RELN: variants seen among roughly 807,000 people sequenced by gnomAD.
RELN encodes reelin.
A neutral mutation model predicts 427.6 loss-of-function variants in RELN; 108 were observed. That is an observed-to-expected ratio of 0.25 (90% CI 0.22 to 0.30). The LOEUF is 0.30. Among genes scored for constraint, RELN ranks in the 10% least tolerant of loss-of-function variants. The probability of loss-of-function intolerance (pLI) is 1.00; values close to 1 mark genes in which losing one functional copy is unlikely to be tolerated. For synonymous variants in RELN, 1,524 were observed against 1,513.4 expected (o/e 1.01, Z -0.16); for missense variants, 3,715 against 4,302.8 (o/e 0.86, Z 3.82).
chr7:103,694,045 G>C (rs1833926974), intron 10 of RELN, among the ~76,000 whole-genome samples: 1 of 152,104 alleles, frequency 6.6e-6, no homozygotes, highest in African/African-American at 2.4e-5. Context: ...ACAGTGTTTG[G>C]GCTGCACTTG....
chr7:103,539,227 A>G lies in RELN; in HGVS notation c.7031T>C (p.Met2344Thr). The G allele has an allele frequency of 2.5e-6, 4 of 1,614,262 alleles. No homozygotes were observed. Among genetic ancestry groups the G allele is most frequent in the East Asian group, 2.2e-5 (1 of 44,888 alleles). The change falls in exon 45 of 65, where the codon ATG becomes ACG. Residue 2344 changes from methionine (M) to threonine (T), a missense_variant. This residue lies in a region of RELN where 1,310 missense variants were observed against 1,643.0 expected (regional missense o/e 0.80). Transcript: ENST00000428762. ...KWLLHPGGTK[M>T]PVCGSTGDAL... is the part of the protein sequence containing the mutation. ...ATCACCAGTAGAGCCACACACGGGC[A>G]TCTTGGTGCCTCCTGGGTGAAGCAG...
intron 46 of RELN, among the ~76,000 whole-genome samples, chr7:103,534,929 C>T (rs952559814): frequency 7.6e-4 from 115 of 152,048 alleles, no homozygotes; most frequent in Non-Finnish European, 1.0e-3. Context: ...CCTATATTTA[C>T]AGCAGTCTCA....
intron 6 of RELN, among the ~76,000 whole-genome samples, chr7:103,742,239 G>A (rs1345472429): frequency 6.6e-6 from 1 of 152,082 alleles, no homozygotes; most frequent in East Asian, 1.9e-4. Flanking sequence ...CAAACAGAAA[G>A]GACATCCACA....
At chr7:103,634,247 T>G (rs896308080) in intron 19 of RELN, among the ~76,000 whole-genome samples, 1 of 152,166 alleles carries the variant, frequency 6.6e-6, no homozygotes, top group Non-Finnish European at 1.5e-5. Flanking sequence ...CATCTCCTCA[T>G]GATTAAAATA....
At chr7:103,739,598 A>G (rs667554) in intron 6 of RELN, among the ~76,000 whole-genome samples, 33,264 of 152,180 alleles carry the variant, frequency 0.22, 4,798 homozygotes, top group African/African-American at 0.41. Flanking sequence ...GGTCCAGGGT[A>G]AAGTGCAGAA....
At chr7:103,567,322 T>C (rs1255452637) in intron 31 of RELN, among the ~76,000 whole-genome samples, 1 of 152,216 alleles carries the variant, frequency 6.6e-6, no homozygotes, top group South Asian at 2.1e-4. Context: ...TTCTCCAACA[T>C]TAGTCTGACT....
intron 56 of RELN, 147 bp from the exon 57 acceptor site, chr7:103,496,045 G>A (rs1828831351): frequency 6.1e-6 from 5 of 824,022 alleles, no homozygotes; most frequent in South Asian, 1.5e-5. Context: ...TTACACTTTA[G>A]GATTGATTTT....
rs564380797 is a variant in RELN, at chr7:103,697,763, G to T, written c.1143+90C>A. The T allele has an allele frequency of 5.1e-6, 8 of 1,575,970 alleles. No homozygotes were observed. The South Asian group carries it at 9.1e-5, about 18-fold the overall frequency. ...CTTTAATAGTGGTTTTGGTAAAATA[G>T]CTATCTTTATACAATTTGGTTTATT... is the stretch of plus-strand genomic sequence containing the variant. On this transcript the variant is annotated intron_variant, in intron 10 of 64. Transcript: ENST00000428762.
At chr7:103,815,347 G>C (rs935828509) in intron 3 of RELN, among the ~76,000 whole-genome samples, 2 of 152,104 alleles carry the variant, frequency 1.3e-5, no homozygotes, top group Non-Finnish European at 2.9e-5. Context: ...ATAAATCTTT[G>C]CTCACTGATG....
At chr7:103,912,527 A>G (rs1295542468) in intron 2 of RELN, among the ~76,000 whole-genome samples, 1 of 152,076 alleles carries the variant, frequency 6.6e-6, no homozygotes, top group Non-Finnish European at 1.5e-5. Context: ...TAGAATTCCT[A>G]ATTATTACAG....
intron 28 of RELN, among the ~76,000 whole-genome samples, chr7:103,584,128 G>A (rs368427637): frequency 1.3e-5 from 2 of 152,184 alleles, no homozygotes; most frequent in African/African-American, 2.4e-5. Flanking sequence ...GTACTGCAAG[G>A]TCCCCCAGTT....
intron 22 of RELN, among the ~76,000 whole-genome samples, chr7:103,605,067 T>C (rs939319154): frequency 6.6e-6 from 1 of 152,186 alleles, no homozygotes; most frequent in Non-Finnish European, 1.5e-5. Flanking sequence ...TGACCTCAGA[T>C]AATCCACCCG....
At chr7:103,485,488 T>C (rs1235008358) in intron 61 of RELN, among the ~76,000 whole-genome samples, 1 of 152,234 alleles carries the variant, frequency 6.6e-6, no homozygotes, top group Non-Finnish European at 1.5e-5. Context: ...CAAGAAATAC[T>C]CTACAGTAAT....
At chr7:103,507,007 C>T (rs967442229) in intron 51 of RELN, among the ~76,000 whole-genome samples, 3 of 152,152 alleles carry the variant, frequency 2.0e-5, no homozygotes, top group Non-Finnish European at 4.4e-5. Flanking sequence ...TATATGCACC[C>T]AATACAGAGG....
chr7:103,508,171 CTAACTCATTTTA>C, intron 51 of RELN, among the ~76,000 whole-genome samples: 1 of 152,280 alleles, frequency 6.6e-6, no homozygotes, highest in African/African-American at 2.4e-5. Flanking sequence ...GGAATCCCCC[CTAACTCATTTTA>C]TGAGGCCAGC....
In RELN at chr7:103,860,083, T is replaced by G. The variant is rs1289009511; in HGVS notation, c.338-26411A>C. Among the ~76,000 whole-genome samples the G allele has an allele frequency of 2.0e-5, 3 of 152,190 alleles. No individual in the cohort carries two copies. In the East Asian group the frequency reaches 5.8e-4, roughly 29 times the overall value. On this transcript the variant is annotated intron_variant, in intron 2 of 64. Coordinates refer to ENST00000428762, the MANE Select transcript of RELN (RefSeq NM_005045.4). The stretch of plus-strand genomic sequence containing the variant: ...ACATGCGAGCTTAGCCACAATAAAT[T>G]AAATCAGTCATACGTTGTTCATTAT...
intron 1 of RELN, among the ~76,000 whole-genome samples, chr7:103,927,116 C>A (rs1238796763): frequency 6.6e-6 from 1 of 152,096 alleles, no homozygotes; most frequent in African/African-American, 2.4e-5. Context: ...AATTCTATTA[C>A]TAATTTATAT....
At chr7:103,780,975 T>TAC (rs1381653077) in intron 3 of RELN, among the ~76,000 whole-genome samples, 1 of 152,314 alleles carries the variant, frequency 6.6e-6, no homozygotes, top group African/African-American at 2.4e-5. Context: ...GGATACCCAA[T>TAC]ACACACATGT....
In RELN at chr7:103,545,158, G is replaced by A. The variant is rs752305184; in HGVS notation, c.6489C>T (p.Thr2163=). The A allele has an allele frequency of 2.5e-6, 4 of 1,613,874 alleles. 1 individual carries two copies. The change falls in exon 42 of 65, where the codon ACC becomes ACT. Residue 2163 remains threonine, a synonymous_variant. Coordinates refer to ENST00000428762, the MANE Select transcript of RELN (RefSeq NM_005045.4). ...CATCTTTGAGAAAATCAGGATTTTTGGTGCTTATTTTACAGGTTGGACCTG... is the reference window on the plus strand; with the variant it reads ...CATCTTTGAGAAAATCAGGATTTTTAGTGCTTATTTTACAGGTTGGACCTG... ...GYSGPTCKIS[T]KNPDFLKDDF...
Sources: allele counts gnomAD v4.1 joint callset (sites outside exome capture counted in the v4.1 genomes callset), GRCh38; gene constraint gnomAD v4.1.1; regional missense constraint gnomAD v4.1.1; transcripts MANE v1.5; gene names NCBI Gene and HGNC (gene_info 2026-07-23, HGNC 2026-07-21).